Variants in HSD11B1 observed in about 807,000 individuals in gnomAD.
HSD11B1 encodes 11-beta-hydroxysteroid dehydrogenase 1.
A neutral mutation model predicts 22.1 loss-of-function variants in HSD11B1; 15 were observed. The observed-to-expected ratio is 0.68, with a 90% CI of 0.45 to 1.04. The LOEUF is 1.04. HSD11B1 is among the 50% of genes least tolerant of loss of function. HSD11B1 has a pLI of 0.00. For missense variants in HSD11B1, 281 were observed against 357.6 expected (o/e 0.79, Z 1.73); for synonymous variants, 122 against 125.2 (o/e 0.97, Z 0.17).
chr1:209,697,393 G>C (rs2102359913), intron 1 of HSD11B1, among the ~76,000 whole-genome samples: 1 of 152,242 alleles, frequency 6.6e-6, no homozygotes, highest in East Asian at 1.9e-4. Flanking sequence ...GGATCAAAAT[G>C]AACAACTTCC....
chr1:209,709,776 C>T (rs1272029316), intron 4 of HSD11B1, among the ~76,000 whole-genome samples: 2 of 152,200 alleles, frequency 1.3e-5, no homozygotes, highest in African/African-American at 2.4e-5. Flanking sequence ...CAATTGTTAT[C>T]TTTATTCAAA....
In HSD11B1 at chr1:209,706,706, C is replaced by A. The variant is rs1371852845; in HGVS notation, c.220-3C>A. On this transcript the variant is annotated splice_polypyrimidine_tract_variant and splice_region_variant and intron_variant, in intron 2 of 5. Transcript: ENST00000367027. This position sits in a 1 kb window ranked among gnomAD's most constrained non-coding sequence, Gnocchi z 4.0. ...TGATGCCATTTCTGCTGTATCACTG[C>A]AGGTGGTATCCCACTGCCTGGAGCT... is the stretch of plus-strand genomic sequence containing the variant. The A allele has an allele frequency of 6.2e-7, 1 of 1,606,402 alleles. No individual in the cohort carries two copies. The highest frequency in any genetic ancestry group is 1.1e-5 in the South Asian group (1 of 90,898).
chr1:209,697,681 C>T (rs966165094), intron 1 of HSD11B1, among the ~76,000 whole-genome samples: 1 of 152,004 alleles, frequency 6.6e-6, no homozygotes, highest in Non-Finnish European at 1.5e-5. Context: ...CTGTTTGTGG[C>T]CAGGATGCTG....
At chr1:209,712,776 C>T (rs907639009) in intron 4 of HSD11B1, among the ~76,000 whole-genome samples, 5 of 152,156 alleles carry the variant, frequency 3.3e-5, no homozygotes, top group East Asian at 1.9e-4. Context: ...TTTGGCCAGG[C>T]GCAGTGGTTT....
chr1:209,724,122 T>TAG (rs1349411797), intron 4 of HSD11B1: 3 of 152,192 alleles, frequency 2.0e-5, no homozygotes, highest in Non-Finnish European at 4.4e-5. Context: ...GTGAGCAGAG[T>TAG]GTGGGCTGGA....
intron 1 of HSD11B1, among the ~76,000 whole-genome samples, chr1:209,692,990 TTC>T (rs2076770220): frequency 6.6e-6 from 1 of 152,210 alleles, no homozygotes; most frequent in Non-Finnish European, 1.5e-5. Flanking sequence ...CCCTCCTTCA[TTC>T]TCTTTTATTT....
chr1:209,687,174 A>G (rs2076733364), intron 1 of HSD11B1, among the ~76,000 whole-genome samples: 1 of 152,212 alleles, frequency 6.6e-6, no homozygotes, highest in Non-Finnish European at 1.5e-5. Flanking sequence ...GAAAACATCT[A>G]CAGACGACGA....
At chr1:209,728,205 CTTAT>C (rs752776155) in intron 4 of HSD11B1, among the ~76,000 whole-genome samples, 7 of 152,128 alleles carry the variant, frequency 4.6e-5, no homozygotes, top group Non-Finnish European at 1.0e-4. Flanking sequence ...TCACCAATAG[CTTAT>C]TTTAGTTTTT....
chr1:209,700,531 T>TGATGG (rs2102363869), upstream of HSD11B1, among the ~76,000 whole-genome samples: 1 of 152,258 alleles, frequency 6.6e-6, no homozygotes, highest in East Asian at 1.9e-4. Context: ...TCCAGGCCTG[T>TGATGG]GATGGGAGGG....
At chr1:209,699,262 G>A (rs1040813084) in intron 1 of HSD11B1, among the ~76,000 whole-genome samples, 14 of 152,038 alleles carry the variant, frequency 9.2e-5, no homozygotes, top group African/African-American at 3.4e-4. Context: ...AATCTTATGC[G>A]TTATTGTATT....
chr1:209,718,237 GA>G (rs1024319156), intron 4 of HSD11B1, among the ~76,000 whole-genome samples: 2 of 152,186 alleles, frequency 1.3e-5, no homozygotes, highest in Non-Finnish European at 2.9e-5. Flanking sequence ...GTGAGGACTT[GA>G]AATGTTCTCA....
rs375220615 is a variant in HSD11B1 at position 209,696,680 on chromosome 1, G to C, written c.-48-8215G>C. 4.1e-4 allele frequency among the ~76,000 whole-genome samples: 63 copies of C among 152,340 alleles called. 1 individual carries two copies. The South Asian group carries it at 0.013, about 31-fold the overall frequency. ...AAACTGAGAAGCAGTGAGAGAAACA[G>C]AAAGAAAAGCCTGGTGACTATGAAT... is the stretch of plus-strand genomic sequence containing the variant. On this transcript the variant is annotated intron_variant, in intron 1 of 6. Coordinates refer to the HSD11B1 transcript ENST00000261465.
intron 1 of HSD11B1, among the ~76,000 whole-genome samples, chr1:209,696,909 G>A (rs1420168534): frequency 1.3e-5 from 2 of 152,246 alleles, no homozygotes; most frequent in East Asian, 3.9e-4. Flanking sequence ...GAAGAGTGAA[G>A]TGCTGATGGA....
chr1:209,700,837 C>A (rs949849409), upstream of HSD11B1, among the ~76,000 whole-genome samples: 5 of 152,176 alleles, frequency 3.3e-5, no homozygotes, highest in Non-Finnish European at 5.9e-5. Context: ...CAAAGTTCCA[C>A]AAATCTCTAG....
chr1:209,702,997 T>G (rs1056445202), upstream of HSD11B1, among the ~76,000 whole-genome samples: 2 of 152,228 alleles, frequency 1.3e-5, no homozygotes, highest in African/African-American at 4.8e-5. Flanking sequence ...GTCTTTGGGT[T>G]TAAATGTGTC....
In HSD11B1 at chr1:209,734,319, C is replaced by T. The variant is rs1013936767; in HGVS notation, c.677C>T (p.Ala226Val). 2.5e-6 allele frequency: 4 copies of T among 1,613,740 alleles called. No homozygotes were observed. The highest frequency in any genetic ancestry group is 3.4e-6 in the Non-Finnish European group (4 of 1,179,758). The change falls in exon 6 of 6, where the codon GCA (alanine) becomes GTA (valine). Residue 226 changes from alanine to valine, a missense_variant. Physicochemically the swap from Ala to Val is moderately conservative, Grantham distance 64 (BLOSUM62 0). Coordinates refer to ENST00000367027, the MANE Select transcript of HSD11B1 (RefSeq NM_005525.4). ...CATTCTATAGAAACAGCCATGAAGG[C>T]AGTTTCTGGGATAGTCCATATGCAA... is the stretch of plus-strand genomic sequence containing the variant. ...GLIDTETAMK[A>V]VSGIVHMQAA... is the part of the protein sequence containing the mutation.
Position 209,704,940 on chromosome 1 carries a change from C to A in HSD11B1, c.-3C>A. ...AGGAGTCTTCAGGCCAGCTCCCTGT[C>A]GGATGGCTTTTATGAAAAAATATCT... On this transcript the variant is annotated 5_prime_UTR_variant, in exon 1 of 6. Transcript: ENST00000367027. 6.2e-7 allele frequency: 1 copy of A among 1,612,868 alleles called. No homozygotes were observed. The highest frequency in any genetic ancestry group is 1.1e-5 in the South Asian group (1 of 91,022).
chr1:209,727,617 C>A (rs2077011668), intron 4 of HSD11B1, among the ~76,000 whole-genome samples: 2 of 152,200 alleles, frequency 1.3e-5, no homozygotes, highest in Non-Finnish European at 2.9e-5. Context: ...GGAAGTACCA[C>A]CTAGTGTTCA....
chr1:209,694,140 TA>T (rs2076777088), intron 1 of HSD11B1, among the ~76,000 whole-genome samples: 1 of 152,178 alleles, frequency 6.6e-6, no homozygotes, highest in Non-Finnish European at 1.5e-5. Flanking sequence ...GTTGCAACAT[TA>T]ACTTCCATGA....
Sources: allele counts gnomAD v4.1 joint callset (sites outside exome capture counted in the v4.1 genomes callset), GRCh38; gene constraint gnomAD v4.1.1; non-coding constraint Gnocchi (gnomAD v3.1); transcripts MANE v1.5; gene names NCBI Gene and HGNC (gene_info 2026-07-23, HGNC 2026-07-21).